Variants in SLC7A11 observed in about 807,000 individuals in gnomAD.
The protein encoded by SLC7A11 is solute carrier family 7 member 11.
SLC7A11 carries 35 observed loss-of-function variants against 54.5 expected under a neutral mutation model. The ratio of observed to expected loss-of-function variants is 0.64; its 90% CI spans 0.49 to 0.85. SLC7A11 has a LOEUF of 0.85. Ranked by LOEUF, SLC7A11 falls within the 40% of genes least tolerant of loss-of-function variation. The probability of loss-of-function intolerance (pLI) is 0.00; values close to 1 mark genes in which losing one functional copy is unlikely to be tolerated. For synonymous variants in SLC7A11, 230 were observed against 225.2 expected (o/e 1.02, Z -0.19); for missense variants, 583 against 618.1 (o/e 0.94, Z 0.60).
In SLC7A11 at chr4:138,170,934, A is replaced by C. The variant is rs902660825; in HGVS notation, c.*1022T>G. 3.3e-5 allele frequency: 5 copies of C among 152,356 alleles called. No individual in the cohort carries two copies. In the East Asian group the frequency reaches 9.6e-4, roughly 29 times the overall value. 9.4% of individuals were successfully genotyped at this position (152,356 alleles called of 1,614,324 possible). On this transcript the variant is annotated 3_prime_UTR_variant, in exon 12 of 12. Coordinates refer to ENST00000280612, the MANE Select transcript of SLC7A11 (RefSeq NM_014331.4). ...GTATAAAGAAAATGCACAAACTGTC[A>C]AAATTCATCATCGTGTAAAAATAGC...
intron 10 of SLC7A11, 68 bp downstream of exon 10, chr4:138,180,573 T>G: frequency 6.6e-7 from 1 of 1,510,734 alleles, no homozygotes; most frequent in Non-Finnish European, 8.9e-7. Context: ...ATCAGCAAGT[T>G]ATGACAAAGG....
chr4:138,171,094 A>G lies in SLC7A11; in HGVS notation c.*862T>C, dbSNP rs563216020. The G allele has an allele frequency of 5.3e-5, 8 of 152,234 alleles. No homozygotes were observed. The South Asian group carries it at 1.7e-3, about 32-fold the overall frequency. 9.4% of individuals were successfully genotyped at this position (152,234 alleles called of 1,614,324 possible). On this transcript the variant is annotated 3_prime_UTR_variant, in exon 12 of 12. Transcript: ENST00000280612. ...AATGTAATTTGAAGGCTTAAAATGC[A>G]TATGTTTAGATAGACTCATCAGGGG...
chr4:138,237,277 G>A (rs1333985661), intron 1 of SLC7A11, among the ~76,000 whole-genome samples: 1 of 152,012 alleles, frequency 6.6e-6, no homozygotes, highest in African/African-American at 2.4e-5. Flanking sequence ...GTGAGCCACT[G>A]TGCACGGCCA....
chr4:138,185,388 A>C (rs1359939289), intron 6 of SLC7A11, 144 bp from the exon 7 acceptor site: 1 of 913,892 alleles, frequency 1.1e-6, no homozygotes, highest in Non-Finnish European at 1.6e-6. Context: ...TAAACATTTC[A>C]TCAGGGCAAA....
At chr4:138,237,638 T>G (rs533854502) in intron 1 of SLC7A11, among the ~76,000 whole-genome samples, 1 of 135,094 alleles carries the variant, frequency 7.4e-6, no homozygotes, top group South Asian at 2.5e-4. Flanking sequence ...CCTCAGAAGA[T>G]CCATCCACCT....
rs968977722 is a variant in SLC7A11, at chr4:138,166,829, A to G, written c.*5127T>C. ...AATAACTACCAAGAAAATAAAACTA[A>G]TGGGTAGATTCACACTAAGAAAATC... is the stretch of plus-strand genomic sequence containing the variant. On this transcript the variant is annotated 3_prime_UTR_variant, in exon 12 of 12. Transcript: ENST00000280612. The G allele has an allele frequency of 1.3e-5, 2 of 152,142 alleles. No homozygotes were observed. Among genetic ancestry groups the G allele is most frequent in the African/African-American group, 4.8e-5 (2 of 41,448 alleles). 9.4% of individuals were successfully genotyped at this position (152,142 alleles called of 1,614,324 possible).
chr4:138,231,405 T>C (rs942202124), intron 3 of SLC7A11, among the ~76,000 whole-genome samples: 9 of 152,148 alleles, frequency 5.9e-5, no homozygotes, highest in Admixed American at 6.5e-5. Flanking sequence ...ACCCCAGGCA[T>C]TGTCCCATTG....
intron 6 of SLC7A11, among the ~76,000 whole-genome samples, chr4:138,186,866 TCA>T (rs1382319737): frequency 6.6e-6 from 1 of 152,164 alleles, no homozygotes; most frequent in Non-Finnish European, 1.5e-5. Context: ...TTGAATCCTT[TCA>T]GCTTTTATAA....
At chr4:138,211,939 A>G (rs1737559925) in intron 6 of SLC7A11, among the ~76,000 whole-genome samples, 1 of 151,954 alleles carries the variant, frequency 6.6e-6, no homozygotes, top group South Asian at 2.1e-4. Context: ...GCAGTTAGAT[A>G]AAACATGTTC....
At chr4:138,179,893 A>C (rs1193013860) in intron 10 of SLC7A11, among the ~76,000 whole-genome samples, 1 of 152,136 alleles carries the variant, frequency 6.6e-6, no homozygotes, top group African/African-American at 2.4e-5. Flanking sequence ...CTCCTATTCA[A>C]CCGCTAATAA....
In SLC7A11 at chr4:138,171,672, A is replaced by G; in HGVS notation, c.*284T>C. 2 of 353,174 alleles carry G rather than the reference A, an allele frequency of 5.7e-6. No individual in the cohort carries two copies. The highest frequency in any genetic ancestry group is 1.0e-5 in the Non-Finnish European group (2 of 196,894). The allele number at this position is 353,174 out of a possible 1,614,324, so 21.9% of individuals were successfully genotyped here. On this transcript the variant is annotated 3_prime_UTR_variant, in exon 12 of 12. Transcript: ENST00000280612. ...CATATGTTGTAGAGAATGACCACAT[A>G]GTAATTGTCTAGTCTTTTCTCCTAA... is the stretch of plus-strand genomic sequence containing the variant.
chr4:138,241,809 C>T lies in SLC7A11; in HGVS notation c.261G>A (p.Gly87=). The change falls in exon 1 of 12, where the codon GGG becomes GGA. Residue 87 remains glycine, a synonymous_variant. Coordinates refer to ENST00000280612, the MANE Select transcript of SLC7A11 (RefSeq NM_014331.4). ...GMSLTIWTVC[G]VLSLFGALSY... is the part of the protein sequence containing the mutation. ...CGCACTCACCAAATAGTGACAGGAC[C>T]CCACACACCGTCCAGATGGTCAGAG... 1 of 1,613,748 alleles carries T rather than the reference C, an allele frequency of 6.2e-7. No individual in the cohort carries two copies. The highest frequency in any genetic ancestry group is 1.1e-5 in the South Asian group (1 of 91,068).
At chr4:138,235,370 C>G (rs193109251) in intron 2 of SLC7A11, among the ~76,000 whole-genome samples, 1 of 151,514 alleles carries the variant, frequency 6.6e-6, no homozygotes, top group East Asian at 2.0e-4. Context: ...AAAAAGCCTT[C>G]ATGAAGCATA....
intron 3 of SLC7A11, among the ~76,000 whole-genome samples, chr4:138,230,862 C>T (rs888945360): frequency 1.3e-5 from 2 of 152,158 alleles, no homozygotes; most frequent in African/African-American, 4.8e-5. Context: ...TCAACAAATA[C>T]TTACTGAGCA....
chr4:138,171,854 T>C lies in SLC7A11; in HGVS notation c.*102A>G. 7.0e-7 allele frequency: 1 copy of C among 1,437,806 alleles called. No homozygotes were observed. The allele number at this position is 1,437,806 out of a possible 1,614,324, so 89.1% of individuals were successfully genotyped here. A position where few individuals can be genotyped will look rare whatever the true frequency, so the allele number is the denominator to read the frequency against. On this transcript the variant is annotated 3_prime_UTR_variant, in exon 12 of 12. Coordinates refer to ENST00000280612, the MANE Select transcript of SLC7A11 (RefSeq NM_014331.4). ...ATAAAAATAACTGACTCCTTTTGTT[T>C]ATCACCAAAGTTGTAATTCTCTAGA...
At chr4:138,176,608 A>G (rs1736576750) in intron 11 of SLC7A11, 1 of 152,196 alleles carries the variant, frequency 6.6e-6, no homozygotes, top group South Asian at 2.1e-4. Context: ...GCTGACTCCA[A>G]ACAGGAGGAA....
intron 4 of SLC7A11, among the ~76,000 whole-genome samples, chr4:138,220,854 C>T (rs1209702367): frequency 2.6e-5 from 4 of 152,158 alleles, no homozygotes; most frequent in African/African-American, 9.7e-5. Context: ...CCAGGCATAA[C>T]TTATATATAA....
intron 6 of SLC7A11, among the ~76,000 whole-genome samples, chr4:138,189,502 C>A (rs1323822733): frequency 2.6e-5 from 4 of 152,128 alleles, no homozygotes; most frequent in Admixed American, 2.6e-4. Flanking sequence ...TATCTTGTCA[C>A]AATGTCATGG....
At position 138,242,323 on chromosome 4, in the gene SLC7A11, G is replaced by A; in HGVS notation, c.-254C>T. 1.9e-6 allele frequency: 1 copy of A among 525,032 alleles called. No homozygotes were observed. The allele number at this position is 525,032 out of a possible 1,614,324, so 32.5% of individuals were successfully genotyped here. ...TCGTTCCACCACTGCTGCTGCTGCT[G>A]CTGCTGCCGCCCTATCATTACAAAC... On this transcript the variant is annotated 5_prime_UTR_variant, in exon 1 of 12. It introduces an in-frame stop codon into an upstream open reading frame of the 5' UTR. Transcript: ENST00000280612.
Sources: allele counts gnomAD v4.1 joint callset (sites outside exome capture counted in the v4.1 genomes callset), GRCh38; gene constraint gnomAD v4.1.1; transcripts MANE v1.5; gene names NCBI Gene and HGNC (gene_info 2026-07-23, HGNC 2026-07-21).